MAP3K13: variants seen among roughly 807,000 people sequenced by gnomAD.
MAP3K13 encodes leucine zipper-bearing kinase.
A neutral mutation model predicts 104.0 loss-of-function variants in MAP3K13; 52 were observed. That is an observed-to-expected ratio of 0.50 (90% confidence interval 0.40 to 0.63). The LOEUF (loss-of-function observed/expected upper bound fraction) is 0.63. Among genes scored for constraint, MAP3K13 ranks in the 20% least tolerant of loss-of-function variants. MAP3K13 has a pLI of 0.00. For missense variants in MAP3K13, 914 were observed against 1,218.5 expected, an observed-to-expected ratio of 0.75 and a Z score of 3.72; for synonymous variants, 394 against 442.2, an observed-to-expected ratio of 0.89 and a Z score of 1.37.
intron 1 of MAP3K13, among the ~76,000 whole-genome samples, chr3:185,409,272 G>A (rs1713292703): frequency 6.6e-6 from 1 of 152,220 alleles, no homozygotes; most frequent in Non-Finnish European, 1.5e-5. Context: ...GGAGTCTGAG[G>A]CAGAAGAATT....
Position 185,418,777 on chromosome 3 carries a change from A to T in MAP3K13, c.-85-9720A>T, listed in dbSNP as rs1467095944. 6.2e-7 allele frequency: 1 copy of T among 1,600,796 alleles called. No homozygotes were observed. The highest frequency in any genetic ancestry group is 8.5e-7 in the Non-Finnish European group (1 of 1,170,330). ...CGATATCATTGGGCGAGCACACGCC[A>T]TGGCGGAGAGAGGAGACAGCCACGC... On this transcript the variant is annotated intron_variant, in intron 1 of 13. Coordinates refer to ENST00000265026, the MANE Select transcript of MAP3K13 (RefSeq NM_004721.5). This position sits in a 1 kb window ranked among gnomAD's most constrained non-coding sequence, Gnocchi z 4.5.
intron 2 of MAP3K13, among the ~76,000 whole-genome samples, chr3:185,435,707 T>C (rs3772684): frequency 0.82 from 124,321 of 152,154 alleles, 51,796 homozygotes; most frequent in East Asian, 0.91. Flanking sequence ...TTTTGCTCTA[T>C]GTAGTTATAT....
At position 185,315,718 on chromosome 3, in the gene MAP3K13, A is replaced by G. The variant is rs1560044478; in HGVS notation, c.-86+30075A>G. Among the ~76,000 whole-genome samples, 1 of 152,182 alleles carries G rather than the reference A, an allele frequency of 6.6e-6. No homozygotes were observed. The highest frequency in any genetic ancestry group is 2.4e-5 in the African/African-American group (1 of 41,442). Reference sequence around the variant, plus strand: ...ATATTAACCACCTTTACTTTCAGGGACCTAATCTGTAAAATGAGGATAACA... The same window carrying G: ...ATATTAACCACCTTTACTTTCAGGGGCCTAATCTGTAAAATGAGGATAACA... On this transcript the variant is annotated intron_variant, in intron 2 of 14. Transcript: ENST00000424227. The surrounding 1 kb of genome is among the most constrained non-coding windows in gnomAD (Gnocchi z 4.3).
intron 2 of MAP3K13, chr3:185,292,047 G>A: frequency 2.1e-6 from 2 of 974,280 alleles, no homozygotes; most frequent in Non-Finnish European, 2.4e-6. Flanking sequence ...GCTCATGCCT[G>A]TAATCCCAGC....
intron 2 of MAP3K13, among the ~76,000 whole-genome samples, chr3:185,354,423 C>T (rs1305372543): frequency 6.7e-6 from 1 of 150,282 alleles, no homozygotes; most frequent in Admixed American, 6.6e-5. Context: ...GGTTAGGCTA[C>T]CGGGTGATGC....
At chr3:185,442,785 A>T (rs549178790) in intron 3 of MAP3K13, among the ~76,000 whole-genome samples, 1 of 152,030 alleles carries the variant, frequency 6.6e-6, no homozygotes, top group Admixed American at 6.5e-5. Flanking sequence ...CACCTGCCTC[A>T]GACTCCCAAA....
chr3:185,402,177 C>T (rs887001451), intron 1 of MAP3K13, among the ~76,000 whole-genome samples: 25 of 152,120 alleles, frequency 1.6e-4, no homozygotes, highest in African/African-American at 4.3e-4. Flanking sequence ...CTAGGAAAGA[C>T]GCCACTGTAT....
At position 185,430,579 on chromosome 3, in the gene MAP3K13, GCTAAGGGCGATGGCCT is replaced by G. The variant is rs771891365; in HGVS notation, c.475+1526_475+1541del. Among the ~76,000 whole-genome samples the G allele has an allele frequency of 1.7e-3, 252 of 152,224 alleles. 1 individual carries two copies. Among genetic ancestry groups the G allele is most frequent in the Non-Finnish European group, 1.9e-3 (131 of 68,024 alleles). On this transcript the variant is annotated intron_variant, in intron 2 of 13. Coordinates refer to ENST00000265026, the MANE Select transcript of MAP3K13 (RefSeq NM_004721.5). ...TGGTTTTCTGTTCTTGCATTAGCTT[GCTAAGGGCGATGGCCT>G]CTGACTCTGTCCATGTCCTCGCAAA...
At chr3:185,301,352 T>C (rs7433192) in intron 2 of MAP3K13, among the ~76,000 whole-genome samples, 12,648 of 152,002 alleles carry the variant, frequency 0.083, 695 homozygotes, top group East Asian at 0.2. Context: ...AAGACTTCAT[T>C]ATATTAATAT....
intron 2 of MAP3K13, among the ~76,000 whole-genome samples, chr3:185,354,992 A>G (rs988188833): frequency 1.3e-5 from 2 of 152,204 alleles, no homozygotes; most frequent in African/African-American, 2.4e-5. Flanking sequence ...AGACGAGCCA[A>G]TCTTCCCGGG....
chr3:185,386,326 C>G (rs1028129038), intron 1 of MAP3K13, among the ~76,000 whole-genome samples: 1 of 152,148 alleles, frequency 6.6e-6, no homozygotes, highest in Non-Finnish European at 1.5e-5. Context: ...CTCAACATCA[C>G]TGATCATTAG....
chr3:185,452,081 G>A (rs1715924087), intron 7 of MAP3K13, among the ~76,000 whole-genome samples: 1 of 152,098 alleles, frequency 6.6e-6, no homozygotes, highest in South Asian at 2.1e-4. Context: ...AGACGTGGGA[G>A]GTTAAATACC....
At position 185,363,279 on chromosome 3, in the gene MAP3K13, T is replaced by C; in HGVS notation, c.-175T>C. ...GTGGGTGGAATCCCCCTCCCCTTTA[T>C]TTTTCCAATTCTGCAAGGCTTTTAA... is the stretch of plus-strand genomic sequence containing the variant. On this transcript the variant is annotated 5_prime_UTR_variant, in exon 1 of 14. Coordinates refer to ENST00000265026, the MANE Select transcript of MAP3K13 (RefSeq NM_004721.5). 1 of 985,404 alleles carries C rather than the reference T, an allele frequency of 1.0e-6. No individual in the cohort carries two copies. The highest frequency in any genetic ancestry group is 1.2e-6 in the Non-Finnish European group (1 of 829,924). The allele number at this position is 985,404 out of a possible 1,614,324, so 61.0% of individuals were successfully genotyped here. A position where few individuals can be genotyped will look rare whatever the true frequency, so the allele number is the denominator to read the frequency against.
intron 1 of MAP3K13, among the ~76,000 whole-genome samples, chr3:185,397,218 A>G (rs1712479569): frequency 6.6e-6 from 1 of 152,236 alleles, no homozygotes; most frequent in Non-Finnish European, 1.5e-5. Flanking sequence ...ATCAATTGTG[A>G]GATATCCTAT....
intron 5 of MAP3K13, among the ~76,000 whole-genome samples, chr3:185,449,409 T>C (rs1715766223): frequency 6.6e-6 from 1 of 150,772 alleles, no homozygotes; most frequent in Non-Finnish European, 1.5e-5. Flanking sequence ...TTAACACTCC[T>C]AGATAATTTT....
chr3:185,455,663 T>TCTC (rs1716602620), intron 7 of MAP3K13, among the ~76,000 whole-genome samples: 1 of 27,290 alleles, frequency 3.7e-5, no homozygotes, highest in Non-Finnish European at 1.0e-4. Flanking sequence ...ATATGATATA[T>TCTC]ATATGATATA....
chr3:185,378,362 T>A (rs58889980), intron 1 of MAP3K13, among the ~76,000 whole-genome samples: 1 of 152,028 alleles, frequency 6.6e-6, no homozygotes, highest in Non-Finnish European at 1.5e-5. Flanking sequence ...GGTTTTTATA[T>A]TTGATGAAAA....
intron 10 of MAP3K13, among the ~76,000 whole-genome samples, chr3:185,469,162 T>G (rs1717630422): frequency 6.6e-6 from 1 of 152,080 alleles, no homozygotes; most frequent in Non-Finnish European, 1.5e-5. Context: ...TGAAGGAAAT[T>G]AGAGAGGAGA....
rs1044223133 is a variant in MAP3K13, at chr3:185,411,464, A to G, written c.-85-17033A>G. On this transcript the variant is annotated intron_variant, in intron 1 of 13. Coordinates refer to ENST00000265026, the MANE Select transcript of MAP3K13 (RefSeq NM_004721.5). ...GACTTCTCAGGTAGATTTGCTGGACATACCACCTACTCAGGGAAATTTATT... is the reference window on the plus strand; with the variant it reads ...GACTTCTCAGGTAGATTTGCTGGACGTACCACCTACTCAGGGAAATTTATT... Among the ~76,000 whole-genome samples, 10 of 152,362 alleles carry G rather than the reference A, an allele frequency of 6.6e-5. 1 individual carries two copies. Among genetic ancestry groups the G allele is most frequent in the African/African-American group, 2.2e-4 (9 of 41,594 alleles).
Sources: allele counts gnomAD v4.1 joint callset (sites outside exome capture counted in the v4.1 genomes callset), GRCh38; gene constraint gnomAD v4.1.1; non-coding constraint Gnocchi (gnomAD v3.1); transcripts MANE v1.5; gene names NCBI Gene and HGNC (gene_info 2026-07-23, HGNC 2026-07-21).